BICRAL: variants seen among roughly 807,000 people sequenced by gnomAD.
BICRAL encodes the protein BRD4-interacting chromatin-remodeling complex-associated protein-like.
BICRAL carries 8 observed loss-of-function variants against 91.8 expected under a neutral mutation model. The observed-to-expected ratio is 0.09, with a 90% CI of 0.05 to 0.16. The LOEUF (loss-of-function observed/expected upper bound fraction) is 0.16. Ranked by LOEUF, BICRAL falls within the 10% of genes least tolerant of loss-of-function variation. The pLI, the probability that BICRAL is intolerant of heterozygous loss-of-function variation, is 1.00. For synonymous variants in BICRAL, 445 were observed against 491.1 expected (o/e 0.91, Z 1.24); for missense variants, 1,038 against 1,310.9 (o/e 0.79, Z 3.21).
chr6:42,821,865 T>G (rs780861383), intron 2 of BICRAL, among the ~76,000 whole-genome samples, 153 bp from the exon 3 acceptor site: 6 of 152,230 alleles, frequency 3.9e-5, no homozygotes, highest in Non-Finnish European at 8.8e-5. Context: ...ACCTCAAAAT[T>G]TTTAAAATTA....
intron 1 of BICRAL, among the ~76,000 whole-genome samples, chr6:42,806,007 A>AC (rs1763695016): frequency 8.7e-6 from 1 of 115,590 alleles, no homozygotes; most frequent in African/African-American, 4.3e-5. Context: ...ATCTCAAAAA[A>AC]AAAAAACGAA....
At chr6:42,762,990 T>C (rs984902276) in intron 1 of BICRAL, among the ~76,000 whole-genome samples, 2 of 152,092 alleles carry the variant, frequency 1.3e-5, no homozygotes, top group African/African-American at 4.8e-5. Context: ...GAACCTTAGA[T>C]TGTAATGATA....
intron 1 of BICRAL, among the ~76,000 whole-genome samples, chr6:42,768,626 AG>A (rs1582804638): frequency 6.6e-6 from 1 of 152,230 alleles, no homozygotes; most frequent in African/African-American, 2.4e-5. Context: ...GCCAGGCCTC[AG>A]GGGACTCAGA....
chr6:42,786,519 C>T (rs1299267192), intron 1 of BICRAL, among the ~76,000 whole-genome samples: 1 of 152,106 alleles, frequency 6.6e-6, no homozygotes, highest in Non-Finnish European at 1.5e-5. Flanking sequence ...ACAGTAGCTT[C>T]TTTAACCTTG....
intron 7 of BICRAL, 107 bp from the exon 8 acceptor site, chr6:42,853,531 C>T (rs1356586030): frequency 2.6e-6 from 2 of 755,458 alleles, no homozygotes; most frequent in African/African-American, 3.5e-5. Flanking sequence ...GATAAAGAAA[C>T]CCGTTTCAGA....
At chr6:42,841,034 C>G (rs1176806827) in intron 6 of BICRAL, among the ~76,000 whole-genome samples, 1 of 143,030 alleles carries the variant, frequency 7.0e-6, no homozygotes, top group Non-Finnish European at 1.5e-5. Flanking sequence ...GAGATCATAC[C>G]ACTGCACTCC....
chr6:42,806,500 C>G (rs1763711460), intron 1 of BICRAL, among the ~76,000 whole-genome samples: 1 of 151,902 alleles, frequency 6.6e-6, no homozygotes, highest in African/African-American at 2.4e-5. Flanking sequence ...GCATGTGCCA[C>G]CACACCCAGC....
At chr6:42,863,566 G>A (rs982817484) in intron 12 of BICRAL, among the ~76,000 whole-genome samples, 12 of 152,198 alleles carry the variant, frequency 7.9e-5, no homozygotes, top group African/African-American at 2.9e-4. Context: ...TCTTCACCCG[G>A]AAAGTATGTA....
At chr6:42,798,808 G>A (rs2113894215) in intron 1 of BICRAL, among the ~76,000 whole-genome samples, 1 of 152,220 alleles carries the variant, frequency 6.6e-6, no homozygotes, top group East Asian at 1.9e-4. Flanking sequence ...ACTGCTCCTT[G>A]CGGAGCGTGG....
intron 5 of BICRAL, among the ~76,000 whole-genome samples, chr6:42,825,946 G>T (rs774773355): frequency 6.6e-6 from 1 of 151,654 alleles, no homozygotes; most frequent in South Asian, 2.1e-4. Context: ...AGCTGGGCGT[G>T]GTGGTGGGCA....
chr6:42,784,893 T>G (rs1282276897), intron 1 of BICRAL, among the ~76,000 whole-genome samples: 1 of 152,182 alleles, frequency 6.6e-6, no homozygotes, highest in African/African-American at 2.4e-5. Context: ...ACCCGCTATA[T>G]CCAAAGATCT....
At chr6:42,833,058 C>CT (rs1292449197) in intron 6 of BICRAL, among the ~76,000 whole-genome samples, 1,458 of 139,770 alleles carry the variant, frequency 0.01, 6 homozygotes, top group Admixed American at 0.013. Context: ...GGTAGACTGT[C>CT]TTTTTTTTTT....
At chr6:42,836,951 C>CT (rs113754625) in intron 6 of BICRAL, among the ~76,000 whole-genome samples, 2,472 of 124,150 alleles carry the variant, frequency 0.02, 53 homozygotes, top group African/African-American at 0.064. Context: ...TATTTCTTTT[C>CT]TTTTTTTTTT....
At chr6:42,772,453 G>A (rs1762751575) in intron 1 of BICRAL, among the ~76,000 whole-genome samples, 1 of 152,098 alleles carries the variant, frequency 6.6e-6, no homozygotes, top group African/African-American at 2.4e-5. Flanking sequence ...TCCAAATCTG[G>A]ATCTGTTTGT....
intron 1 of BICRAL, among the ~76,000 whole-genome samples, chr6:42,794,498 C>G (rs1003776786): frequency 6.6e-6 from 1 of 151,324 alleles, no homozygotes; most frequent in African/African-American, 2.4e-5. Context: ...GTCAAGTAAT[C>G]CTCCTGCTTC....
intron 1 of BICRAL, among the ~76,000 whole-genome samples, chr6:42,768,192 T>C (rs991754926): frequency 6.6e-6 from 1 of 152,164 alleles, no homozygotes; most frequent in African/African-American, 2.4e-5. Context: ...TGATTTGTCT[T>C]CGAAAGCCAA....
chr6:42,756,879 G>A (rs1056263094), intron 1 of BICRAL, among the ~76,000 whole-genome samples: 1 of 147,916 alleles, frequency 6.8e-6, no homozygotes, highest in South Asian at 2.2e-4. Context: ...TGGCTCTCGC[G>A]CGCGCGCTCT....
intron 6 of BICRAL, among the ~76,000 whole-genome samples, chr6:42,848,057 A>AG (rs1224354912): frequency 6.6e-6 from 1 of 151,962 alleles, no homozygotes; most frequent in Non-Finnish European, 1.5e-5. Flanking sequence ...TGAACCCAGG[A>AG]GGCGGAGCTT....
At chr6:42,755,964 G>A (rs940932513) in intron 1 of BICRAL, among the ~76,000 whole-genome samples, 2 of 151,824 alleles carry the variant, frequency 1.3e-5, no homozygotes, top group South Asian at 2.1e-4. Flanking sequence ...GTGAGCCACC[G>A]CGCCCGGCCC....
Sources: allele counts gnomAD v4.1 joint callset (sites outside exome capture counted in the v4.1 genomes callset), GRCh38; gene constraint gnomAD v4.1.1; transcripts MANE v1.5; gene names NCBI Gene and HGNC (gene_info 2026-07-23, HGNC 2026-07-21).